Variants in CFAP61 observed in about 807,000 individuals in gnomAD.
The protein encoded by CFAP61 is cilia- and flagella-associated protein 61.
A neutral mutation model predicts 135.6 loss-of-function variants in CFAP61; 107 were observed. The ratio of observed to expected loss-of-function variants is 0.79; its 90% CI spans 0.67 to 0.93. CFAP61 has a LOEUF of 0.93. Ranked by LOEUF, CFAP61 falls within the 40% of genes least tolerant of loss-of-function variation. The pLI is 0.00. For missense variants in CFAP61, 1,507 were observed against 1,556.2 expected, an observed-to-expected ratio of 0.97 and a Z score of 0.53; for synonymous variants, 575 against 578.5, an observed-to-expected ratio of 0.99 and a Z score of 0.09.
chr20:20,172,976 A>T (rs1233999686), intron 13 of CFAP61, among the ~76,000 whole-genome samples: 3 of 152,276 alleles, frequency 2.0e-5, no homozygotes, highest in Admixed American at 1.3e-4. Context: ...TCAACCACTG[A>T]TCTTTTTACT....
chr20:20,105,998 G>A (rs1324269953), intron 8 of CFAP61, among the ~76,000 whole-genome samples: 1 of 77,156 alleles, frequency 1.3e-5, no homozygotes, highest in African/African-American at 5.4e-5. Context: ...AGCTACTCTT[G>A]CCTATATATA....
At chr20:20,328,266 G>A (rs538489739) in intron 25 of CFAP61, among the ~76,000 whole-genome samples, 2 of 152,232 alleles carry the variant, frequency 1.3e-5, no homozygotes, top group South Asian at 4.1e-4. Flanking sequence ...TGCTATATGG[G>A]GAATGGAGCT....
chr20:20,344,139 T>C (rs903940132), intron 26 of CFAP61, among the ~76,000 whole-genome samples: 44 of 152,044 alleles, frequency 2.9e-4, no homozygotes, highest in African/African-American at 9.4e-4. Context: ...ATGCATAGAG[T>C]GGTGTCTGCC....
chr20:20,086,119 T>G (rs78808909), intron 6 of CFAP61, among the ~76,000 whole-genome samples: 6,907 of 151,838 alleles, frequency 0.045, 516 homozygotes, highest in African/African-American at 0.16. Context: ...GAAAACCAAG[T>G]CTTAGCATTG....
chr20:20,129,257 T>G (rs2050317490), intron 8 of CFAP61, among the ~76,000 whole-genome samples: 1 of 151,872 alleles, frequency 6.6e-6, no homozygotes, highest in Non-Finnish European at 1.5e-5. Context: ...TGGGTCTGTT[T>G]GTCGTGAATT....
chr20:20,205,890 A>G (rs945957946), intron 17 of CFAP61, among the ~76,000 whole-genome samples: 1 of 152,154 alleles, frequency 6.6e-6, no homozygotes, highest in Non-Finnish European at 1.5e-5. Context: ...ATGATCCCAT[A>G]TGGAGGCTAC....
chr20:20,176,623 G>A (rs149673274), intron 13 of CFAP61, among the ~76,000 whole-genome samples: 677 of 152,150 alleles, frequency 4.4e-3, no homozygotes, highest in Non-Finnish European at 7.5e-3. Context: ...ACCAAACACC[G>A]CACGTTCTCA....
intron 9 of CFAP61, 141 bp downstream of exon 9, chr20:20,143,089 C>T: frequency 1.7e-6 from 1 of 594,404 alleles, no homozygotes; most frequent in Non-Finnish European, 3.0e-6. Flanking sequence ...TAGCAGTAAG[C>T]ACACCGCGAG....
In CFAP61 at chr20:20,288,925, C is replaced by G. The variant is rs377250217; in HGVS notation, c.3113C>G (p.Ala1038Gly). ...CGGCTCATCCCCATGTACAAGGGAGCCAAGATTCAAGGTATACGAGTAGGC... is the reference window on the plus strand; with the variant it reads ...CGGCTCATCCCCATGTACAAGGGAGGCAAGATTCAAGGTATACGAGTAGGC... ...LDRLIPMYKG[A>G]KIQGGILPGS... The change falls in exon 23 of 27, where the codon GCC (alanine) becomes GGC (glycine). Residue 1038 changes from alanine (A) to glycine (G), a missense_variant. Transcript: ENST00000245957. The G allele has an allele frequency of 1.3e-5, 21 of 1,606,424 alleles. No homozygotes were observed. Among genetic ancestry groups the G allele is most frequent in the Non-Finnish European group, 1.7e-5 (20 of 1,173,788 alleles).
chr20:20,139,692 G>A (rs1321002724), intron 8 of CFAP61, among the ~76,000 whole-genome samples: 1 of 152,170 alleles, frequency 6.6e-6, no homozygotes, highest in Non-Finnish European at 1.5e-5. Flanking sequence ...CTCTAGGGAT[G>A]AACGTGGCAG....
intron 8 of CFAP61, among the ~76,000 whole-genome samples, chr20:20,140,215 T>A (rs571533093): frequency 6.9e-4 from 105 of 151,174 alleles, no homozygotes; most frequent in African/African-American, 2.4e-3. Context: ...TATTATACTT[T>A]AAGTTTTAGG....
chr20:20,075,328 G>C, intron 5 of CFAP61, 72 bp downstream of exon 5: 1 of 1,545,168 alleles, frequency 6.5e-7, no homozygotes, highest in Non-Finnish European at 8.9e-7. Flanking sequence ...TGGTGCTTTG[G>C]GGAATGAGAA....
chr20:20,283,967 C>G (rs796860557), intron 22 of CFAP61, among the ~76,000 whole-genome samples: 17 of 152,334 alleles, frequency 1.1e-4, no homozygotes, highest in African/African-American at 4.1e-4. Flanking sequence ...TATAACATCA[C>G]CTTACACATT....
chr20:20,067,661 AT>A (rs11471056), intron 2 of CFAP61, among the ~76,000 whole-genome samples: 7,750 of 141,778 alleles, frequency 0.055, 251 homozygotes, highest in East Asian at 0.11. Flanking sequence ...ATATATATAT[AT>A]AATATATATA....
rs78556222 is a variant in CFAP61, at chr20:20,191,292, A to T, written c.1513-50A>T. The T allele has an allele frequency of 7.3e-6, 11 of 1,499,914 alleles. No homozygotes were observed. The Admixed American group carries it at 1.5e-4, about 21-fold the overall frequency. 92.9% of individuals were successfully genotyped at this position (1,499,914 alleles called of 1,614,324 possible). A position where few individuals can be genotyped will look rare whatever the true frequency, so the allele number is the denominator to read the frequency against. On this transcript the variant is annotated intron_variant, in intron 14 of 26. Transcript: ENST00000245957. Reference sequence around the variant, plus strand: ...CCCACTGTTGCCTGCTTACAAAAACATTCATAGCCATATTTTTAAGGGTCT... The same window carrying T: ...CCCACTGTTGCCTGCTTACAAAAACTTTCATAGCCATATTTTTAAGGGTCT...
At chr20:20,357,951 C>G (rs1457688807) in intron 26 of CFAP61, among the ~76,000 whole-genome samples, 14 of 76,942 alleles carry the variant, frequency 1.8e-4, no homozygotes, top group African/African-American at 7.4e-4. Context: ...GGTGGTCACA[C>G]TGAGGGGAGG....
chr20:20,245,250 C>A (rs918851843), intron 18 of CFAP61, among the ~76,000 whole-genome samples: 1 of 152,196 alleles, frequency 6.6e-6, no homozygotes, highest in African/African-American at 2.4e-5. Context: ...CTGTATTAGT[C>A]CATTCTCATG....
At chr20:20,300,167 GCA>G (rs1466874954) in intron 25 of CFAP61, among the ~76,000 whole-genome samples, 1 of 152,176 alleles carries the variant, frequency 6.6e-6, no homozygotes. Flanking sequence ...TAAAAGCATA[GCA>G]CACAGTTATG....
intron 13 of CFAP61, among the ~76,000 whole-genome samples, chr20:20,169,728 A>G (rs1275355705): frequency 6.6e-6 from 1 of 152,184 alleles, no homozygotes; most frequent in Non-Finnish European, 1.5e-5. Flanking sequence ...AGAACAATGT[A>G]ACACAAGAAA....
Sources: allele counts gnomAD v4.1 joint callset (sites outside exome capture counted in the v4.1 genomes callset), GRCh38; gene constraint gnomAD v4.1.1; transcripts MANE v1.5; gene names NCBI Gene and HGNC (gene_info 2026-07-23, HGNC 2026-07-21).